MARF1: variants seen among roughly 807,000 people sequenced by gnomAD.
MARF1 encodes limkain-b1.
A neutral mutation model predicts 168.2 loss-of-function variants in MARF1; 24 were observed. The ratio of observed to expected loss-of-function variants is 0.14; its 90% confidence interval spans 0.10 to 0.20. MARF1 has a LOEUF of 0.20. Ranked by LOEUF, MARF1 falls within the 10% of genes least tolerant of loss-of-function variation. The probability of loss-of-function intolerance (pLI) is 1.00; values close to 1 mark genes in which losing one functional copy is unlikely to be tolerated. For synonymous variants in MARF1, 868 were observed against 822.4 expected, an observed-to-expected ratio of 1.06 and a Z score of -0.95; for missense variants, 1,744 against 2,143.6, an observed-to-expected ratio of 0.81 and a Z score of 3.68.
chr16:15,598,789 G>A (rs1289873128), intron 26 of MARF1, 65 bp downstream of exon 26: 9 of 1,457,902 alleles, frequency 6.2e-6, no homozygotes, highest in Non-Finnish European at 8.6e-6. Flanking sequence ...TACTATATCA[G>A]TATCTCATCG....
chr16:15,622,799 G>C, intron 11 of MARF1, 135 bp downstream of exon 11: 1 of 624,268 alleles, frequency 1.6e-6, no homozygotes, highest in East Asian at 2.9e-5. Context: ...GCAGACCAAA[G>C]GGAAAAGGAA....
intron 5 of MARF1, among the ~76,000 whole-genome samples, chr16:15,631,773 T>A (rs993849306): frequency 2.6e-5 from 4 of 152,048 alleles, no homozygotes; most frequent in Admixed American, 1.3e-4. Flanking sequence ...CAGACCCCAG[T>A]GTGTGTTTTT....
intron 13 of MARF1, among the ~76,000 whole-genome samples, chr16:15,619,331 A>AT (rs1029442770): frequency 6.6e-6 from 1 of 152,210 alleles, no homozygotes; most frequent in Non-Finnish European, 1.5e-5. Flanking sequence ...TTTCAATGAC[A>AT]TTTGACATTT....
rs113573055 is a variant in MARF1 at position 15,631,062 on chromosome 16, G to A, written c.1351+319C>T. Among the ~76,000 whole-genome samples, 1,242 of 152,194 alleles carry A rather than the reference G, an allele frequency of 8.2e-3. 7 individuals carry two copies. Among genetic ancestry groups the A allele is most frequent in the Non-Finnish European group, 0.012 (786 of 68,012 alleles). ...GAAGAATCACTTCAACCTGGGAGGC[G>A]GAGGTTGCAGTGAGCCGAGATTGCG... is the stretch of plus-strand genomic sequence containing the variant. On this transcript the variant is annotated intron_variant, in intron 6 of 26. Transcript: ENST00000396368.
At chr16:15,616,581 A>C (rs375463221) in intron 15 of MARF1, among the ~76,000 whole-genome samples, 1 of 152,190 alleles carries the variant, frequency 6.6e-6, no homozygotes, top group Non-Finnish European at 1.5e-5. Flanking sequence ...CATTTCAGAT[A>C]AACAGTCACG....
intron 7 of MARF1, among the ~76,000 whole-genome samples, chr16:15,626,679 G>A (rs1205163737): frequency 6.6e-6 from 1 of 152,158 alleles, no homozygotes; most frequent in Non-Finnish European, 1.5e-5. Context: ...GTAGAACTTG[G>A]CCTGGCACAG....
At chr16:15,611,826 G>T in intron 17 of MARF1, 92 bp from the exon 18 acceptor site, 2 of 1,025,270 alleles carry the variant, frequency 2.0e-6, no homozygotes, top group Non-Finnish European at 2.9e-6. Context: ...TAGCCTCAGA[G>T]CATGACTCCC....
intron 21 of MARF1, among the ~76,000 whole-genome samples, chr16:15,607,900 A>G (rs1040200104): frequency 6.6e-6 from 1 of 152,180 alleles, no homozygotes; most frequent in Non-Finnish European, 1.5e-5. Context: ...GTGGAGGGAG[A>G]GGACACTGTG....
Position 15,635,652 on chromosome 16 carries a change from G to C in MARF1, c.831+4C>G. On this transcript the variant is annotated splice_donor_region_variant and intron_variant, in intron 3 of 26. Transcript: ENST00000396368. ...CCCAACTTAAGAAATAAAAAGATACGAACCTTGTTTAGACAGTCTTCGCAG... is the reference window on the plus strand; with the variant it reads ...CCCAACTTAAGAAATAAAAAGATACCAACCTTGTTTAGACAGTCTTCGCAG... 1 of 1,610,112 alleles carries C rather than the reference G, an allele frequency of 6.2e-7. No individual in the cohort carries two copies. The highest frequency in any genetic ancestry group is 8.5e-7 in the Non-Finnish European group (1 of 1,177,014).
chr16:15,627,632 T>C (rs1169048946), intron 7 of MARF1, among the ~76,000 whole-genome samples: 2 of 151,884 alleles, frequency 1.3e-5, no homozygotes, highest in African/African-American at 4.8e-5. Context: ...TAAATAAGAA[T>C]AATATTTTAA....
intron 5 of MARF1, 37 bp downstream of exon 5, chr16:15,633,580 T>C: frequency 1.5e-6 from 2 of 1,375,740 alleles, no homozygotes; most frequent in Non-Finnish European, 2.0e-6. Flanking sequence ...CTTATTCCTC[T>C]ACTGTAGATT....
rs1006685803 is a variant in MARF1, at chr16:15,594,770, A to G, written c.*1923T>C. The G allele has an allele frequency of 6.6e-6, 1 of 152,636 alleles. No individual in the cohort carries two copies. Among genetic ancestry groups the G allele is most frequent in the Non-Finnish European group, 1.5e-5 (1 of 68,056 alleles). 9.5% of individuals were successfully genotyped at this position (152,636 alleles called of 1,614,324 possible). On this transcript the variant is annotated 3_prime_UTR_variant, in exon 27 of 27. Coordinates refer to ENST00000396368, the MANE Select transcript of MARF1 (RefSeq NM_014647.4). The stretch of plus-strand genomic sequence containing the variant: ...GAAGTCTTCTCTCTCATTTTCAGAC[A>G]GCAATTGTTAAGAGTCACACACACG...
At chr16:15,605,297 C>T (rs2032909099) in intron 21 of MARF1, among the ~76,000 whole-genome samples, 1 of 152,174 alleles carries the variant, frequency 6.6e-6, no homozygotes, top group Non-Finnish European at 1.5e-5. Context: ...AGGGCTAAGT[C>T]ACCACAAGTT....
At chr16:15,615,771 C>T in intron 16 of MARF1, 59 bp downstream of exon 16, 1 of 1,264,610 alleles carries the variant, frequency 7.9e-7, no homozygotes, top group Non-Finnish European at 1.0e-6. Context: ...AAGCCAATAG[C>T]CTCCTCTGGT....
chr16:15,608,756 G>A (rs537124196), intron 20 of MARF1: 1 of 531,434 alleles, frequency 1.9e-6, no homozygotes, highest in Admixed American at 3.4e-5. Context: ...TCTATGTTAT[G>A]TGTATTGTGC....
chr16:15,620,412 C>T, intron 13 of MARF1, 39 bp downstream of exon 13: 1 of 1,292,898 alleles, frequency 7.7e-7, no homozygotes. Flanking sequence ...AGCCACCAAT[C>T]AGTACTGACT....
At chr16:15,618,797 C>A (rs1253497164) in intron 13 of MARF1, among the ~76,000 whole-genome samples, 1 of 152,220 alleles carries the variant, frequency 6.6e-6, no homozygotes, top group South Asian at 2.1e-4. Flanking sequence ...GACCTCTCCA[C>A]CCAGCTACTC....
At chr16:15,638,576 A>G (rs1190621600) in intron 2 of MARF1, among the ~76,000 whole-genome samples, 1 of 151,778 alleles carries the variant, frequency 6.6e-6, no homozygotes, top group East Asian at 1.9e-4. Context: ...ACAGAGCAAG[A>G]CTGCACCTCA....
In MARF1 at chr16:15,624,668, G is replaced by C. The variant is rs987763306; in HGVS notation, c.2270+101C>G. 5.4e-6 allele frequency: 6 copies of C among 1,114,656 alleles called. No homozygotes were observed. The African/African-American group carries it at 6.2e-5, about 12-fold the overall frequency. The allele number at this position is 1,114,656 out of a possible 1,614,324, so 69.0% of individuals were successfully genotyped here. ...AGAAGAGTGATGGGAGACTTACTTT[G>C]TGCATTTCAGTACTATCTGAATTCT... On this transcript the variant is annotated intron_variant, in intron 10 of 26. Transcript: ENST00000396368.
Sources: allele counts gnomAD v4.1 joint callset (sites outside exome capture counted in the v4.1 genomes callset), GRCh38; gene constraint gnomAD v4.1.1; transcripts MANE v1.5; gene names NCBI Gene and HGNC (gene_info 2026-07-23, HGNC 2026-07-21).